Variants in G2E3 observed in about 807,000 individuals in gnomAD.
G2E3 encodes G2/M-phase specific E3 ubiquitin protein ligase, also known as G2/M phase-specific E3 ubiquitin-protein ligase.
G2E3 carries 35 observed loss-of-function variants against 92.8 expected under a neutral mutation model. That is an observed-to-expected ratio of 0.38 (90% CI 0.29 to 0.50). The LOEUF is 0.50. Among genes scored for constraint, G2E3 ranks in the 20% least tolerant of loss-of-function variants. The pLI, the probability that G2E3 is intolerant of heterozygous loss-of-function variation, is 0.94. For missense variants in G2E3, 554 were observed against 823.8 expected (o/e 0.67, Z 4.01); for synonymous variants, 242 against 272.4 (o/e 0.89, Z 1.10).
intron 1 of G2E3, chr14:30,560,835 A>C (rs1032154188): frequency 1.4e-6 from 1 of 700,714 alleles, no homozygotes; most frequent in Non-Finnish European, 2.6e-6. Flanking sequence ...TGCATATTTA[A>C]CTGAAAGGTT....
At chr14:30,585,314 G>A (rs892827730) in intron 2 of G2E3, among the ~76,000 whole-genome samples, 12 of 152,074 alleles carry the variant, frequency 7.9e-5, no homozygotes, top group Non-Finnish European at 5.9e-5. Context: ...TCCTTGGCTG[G>A]TATTTAATTA....
chr14:30,563,157 C>CA (rs1879217940), intron 1 of G2E3, among the ~76,000 whole-genome samples: 1 of 146,988 alleles, frequency 6.8e-6, no homozygotes, highest in African/African-American at 2.6e-5. Flanking sequence ...ACTCTTGGTA[C>CA]AGTTTTTTTT....
intron 7 of G2E3, among the ~76,000 whole-genome samples, 195 bp downstream of exon 7, chr14:30,597,721 A>G (rs531684371): frequency 1.4e-4 from 21 of 152,318 alleles, no homozygotes; most frequent in Admixed American, 9.8e-4. Flanking sequence ...TGTCTCATTC[A>G]TTGATTTATA....
chr14:30,569,528 A>G (rs778360552), intron 1 of G2E3, among the ~76,000 whole-genome samples: 17 of 152,174 alleles, frequency 1.1e-4, no homozygotes, highest in Non-Finnish European at 2.1e-4. Context: ...AAATATAATT[A>G]AGGCCTTATT....
At position 30,605,493 on chromosome 14, in the gene G2E3, C is replaced by T; in HGVS notation, c.1011-12C>T. On this transcript the variant is annotated splice_polypyrimidine_tract_variant and intron_variant, in intron 10 of 14. Coordinates refer to ENST00000206595, the MANE Select transcript of G2E3 (RefSeq NM_017769.5). Reference sequence around the variant, plus strand: ...AAGTACTTATCTCTATATTTAAATTCATGTTTTATAGGCAAGGCAGCAAAT... The same window carrying T: ...AAGTACTTATCTCTATATTTAAATTTATGTTTTATAGGCAAGGCAGCAAAT... The T allele has an allele frequency of 9.0e-7, 1 of 1,107,746 alleles. No homozygotes were observed. The highest frequency in any genetic ancestry group is 1.3e-6 in the Non-Finnish European group (1 of 767,556). 68.6% of individuals were successfully genotyped at this position (1,107,746 alleles called of 1,614,324 possible).
intron 1 of G2E3, among the ~76,000 whole-genome samples, chr14:30,570,592 TTCTC>T (rs1227163903): frequency 1.3e-5 from 2 of 152,190 alleles, no homozygotes; most frequent in Admixed American, 6.5e-5. Flanking sequence ...CGCTGATTCT[TTCTC>T]CTGCCTGCTC....
intron 13 of G2E3, among the ~76,000 whole-genome samples, chr14:30,613,445 T>A (rs1882182541): frequency 6.6e-6 from 1 of 152,232 alleles, no homozygotes; most frequent in Non-Finnish European, 1.5e-5. Context: ...TTATTGTTTT[T>A]AATTCTTTCG....
intron 1 of G2E3, chr14:30,580,854 G>A: frequency 2.2e-6 from 1 of 458,964 alleles, no homozygotes; most frequent in South Asian, 2.6e-5. Flanking sequence ...CATCTTAATT[G>A]TTTTGACAGC....
chr14:30,563,985 C>T (rs376912170), intron 1 of G2E3, among the ~76,000 whole-genome samples: 2 of 152,148 alleles, frequency 1.3e-5, no homozygotes, highest in Non-Finnish European at 2.9e-5. Context: ...TCCCAAAGTC[C>T]TGGGATTACA....
intron 4 of G2E3, 42 bp from the exon 5 acceptor site, chr14:30,592,281 G>T (rs182660559): frequency 2.7e-4 from 426 of 1,576,410 alleles, no homozygotes; most frequent in African/African-American, 2.6e-3. Context: ...ATAATACTCA[G>T]ATTTTTTATG....
chr14:30,615,374 G>A lies in G2E3; in HGVS notation c.1699G>A (p.Gly567Ser). The change falls in exon 14 of 15, where the codon GGT becomes AGT. Residue 567 changes from glycine to serine, a missense_variant. Gly to Ser is a moderately conservative substitution (Grantham distance 56, BLOSUM62 0). Around this residue, in one of 3 missense-constraint regions of G2E3, gnomAD observed 397 missense variants for 560.3 expected, o/e 0.71. Coordinates refer to ENST00000206595, the MANE Select transcript of G2E3 (RefSeq NM_017769.5). Reference sequence around the variant, plus strand: ...TTTTAAGCAGGGTCTGAAAACCCTTGGTGTTTTGGAGAAAATTCAGGCTTA... The same window carrying A: ...TTTTAAGCAGGGTCTGAAAACCCTTAGTGTTTTGGAGAAAATTCAGGCTTA... Reference protein sequence around the residue: ...ESFKQGLKTLGVLEKIQAYPE... With the variant: ...ESFKQGLKTLSVLEKIQAYPE... The A allele has an allele frequency of 6.3e-7, 1 of 1,596,664 alleles. No individual in the cohort carries two copies. Among genetic ancestry groups the A allele is most frequent in the Non-Finnish European group, 8.5e-7 (1 of 1,171,756 alleles).
intron 12 of G2E3, 87 bp from the exon 13 acceptor site, chr14:30,612,120 G>C: frequency 7.8e-6 from 7 of 897,208 alleles, no homozygotes; most frequent in Non-Finnish European, 1.2e-5. Context: ...TAAGAAATTT[G>C]AGTATAAATT....
At chr14:30,616,052 G>C (rs1160075198) in intron 14 of G2E3, among the ~76,000 whole-genome samples, 1 of 152,124 alleles carries the variant, frequency 6.6e-6, no homozygotes, top group African/African-American at 2.4e-5. Flanking sequence ...TATACAATAA[G>C]TAGTTGTACT....
At chr14:30,569,386 G>C (rs564832468) in intron 1 of G2E3, among the ~76,000 whole-genome samples, 100 of 152,268 alleles carry the variant, frequency 6.6e-4, no homozygotes, top group African/African-American at 2.2e-3. Context: ...GCAGAGCAAG[G>C]AGTTCAAACA....
intron 1 of G2E3, among the ~76,000 whole-genome samples, chr14:30,576,173 A>G (rs189807438): frequency 9.2e-5 from 14 of 152,352 alleles, no homozygotes; most frequent in Non-Finnish European, 2.9e-5. Context: ...AAACAGGCAC[A>G]TAGACCAGTG....
intron 4 of G2E3, 49 bp downstream of exon 4, chr14:30,589,533 C>A: frequency 1.1e-6 from 1 of 917,442 alleles, no homozygotes; most frequent in Non-Finnish European, 1.7e-6. Context: ...ATTGTCAATA[C>A]TTGGGAAGTC....
chr14:30,616,168 T>G (rs917839849), intron 14 of G2E3, 110 bp from the exon 15 acceptor site: 77 of 726,116 alleles, frequency 1.1e-4, no homozygotes, highest in Non-Finnish European at 1.6e-4. Context: ...TGTGGGAGTC[T>G]GTGCCTTTCA....
At position 30,578,470 on chromosome 14, in the gene G2E3, TGA is replaced by T. The variant is rs1265170384; in HGVS notation, c.-4-2598_-4-2597del. Among the ~76,000 whole-genome samples the T allele has an allele frequency of 2.6e-5, 4 of 152,128 alleles. No individual in the cohort carries two copies. The East Asian group carries it at 7.7e-4, about 29-fold the overall frequency. ...AATTAAGTTTATTGACCCACGCCAGTGAGAGAGAGTGCAAACAAGAGGGACCA... is the reference window on the plus strand; with the variant it reads ...AATTAAGTTTATTGACCCACGCCAGTGAGAGAGTGCAAACAAGAGGGACCA... On this transcript the variant is annotated intron_variant, in intron 1 of 14. Transcript: ENST00000206595.
rs538854161 is a variant in G2E3, at chr14:30,582,772, G to A, written c.37+1656G>A. Among the ~76,000 whole-genome samples the A allele has an allele frequency of 2.6e-5, 4 of 152,308 alleles. No individual in the cohort carries two copies. In the South Asian group the frequency reaches 8.3e-4, roughly 32 times the overall value. On this transcript the variant is annotated intron_variant, in intron 2 of 14. Coordinates refer to ENST00000206595, the MANE Select transcript of G2E3 (RefSeq NM_017769.5). The stretch of plus-strand genomic sequence containing the variant: ...GGAAGAGGAGCTGAAATCTTTTAAA[G>A]GGTTAGGAGAGATACTTCGAGTTAT...
Sources: gnomAD v4.1 joint callset for allele counts (sites outside exome capture counted in the v4.1 genomes callset) on GRCh38, gnomAD v4.1.1 for gene constraint, gnomAD v4.1.1 regional missense constraint, MANE v1.5 for transcripts, NCBI Gene and HGNC (gene_info 2026-07-23, HGNC 2026-07-21) for gene names.